TNKS1BP1: variants seen among roughly 807,000 people sequenced by gnomAD.
TNKS1BP1 encodes the protein CCR4-NOT transcription complex subunit 12, also known as 182 kDa tankyrase-1-binding protein.
A neutral mutation model predicts 141.1 loss-of-function variants in TNKS1BP1; 48 were observed. The observed-to-expected ratio is 0.34, with a 90% CI of 0.27 to 0.43. TNKS1BP1 has a LOEUF of 0.43. TNKS1BP1 is among the 20% of genes least tolerant of loss of function. The probability of loss-of-function intolerance (pLI) is 1.00; values close to 1 mark genes in which losing one functional copy is unlikely to be tolerated. For missense variants in TNKS1BP1, 2,149 were observed against 2,226.0 expected (o/e 0.97, Z 0.70); for synonymous variants, 875 against 898.2 (o/e 0.97, Z 0.46).
At chr11:57,300,445 G>A in intron 11 of TNKS1BP1, 83 bp downstream of exon 11, 19 of 1,285,236 alleles carry the variant, frequency 1.5e-5, no homozygotes, top group Non-Finnish European at 2.1e-5. Context: ...TGGGAGCTAA[G>A]GGACAGAAGG....
At position 57,308,885 on chromosome 11, in the gene TNKS1BP1, C is replaced by T. The variant is rs1360155092; in HGVS notation, c.3826G>A (p.Val1276Ile). The T allele has an allele frequency of 6.2e-7, 1 of 1,614,052 alleles. No homozygotes were observed. Among genetic ancestry groups the T allele is most frequent in the Non-Finnish European group, 8.5e-7 (1 of 1,180,038 alleles). The change falls in exon 6 of 12, where the codon GTT (valine) becomes ATT (isoleucine). Residue 1276 changes from valine (V) to isoleucine (I), a missense_variant. Physicochemically the swap from Val to Ile is conservative, Grantham distance 29. Transcript: ENST00000358252. ...TCAGGTGTCCAGTCTGCCTGTCCAACTCCACGCTCCCTTGATTTAAGGAAC... is the reference window on the plus strand; with the variant it reads ...TCAGGTGTCCAGTCTGCCTGTCCAATTCCACGCTCCCTTGATTTAAGGAAC... ...GEFLKSRERG[V>I]GQADWTPDLG... is the part of the protein sequence containing the mutation.
intron 1 of TNKS1BP1, among the ~76,000 whole-genome samples, chr11:57,323,436 C>T (rs1400134043): frequency 1.3e-5 from 2 of 152,216 alleles, no homozygotes; most frequent in Non-Finnish European, 1.5e-5. Flanking sequence ...GCCCTGAGGA[C>T]AACCCAAACT....
At chr11:57,314,641 C>T (rs1015019738) in intron 4 of TNKS1BP1, among the ~76,000 whole-genome samples, 10 of 152,278 alleles carry the variant, frequency 6.6e-5, no homozygotes, top group African/African-American at 2.2e-4. Flanking sequence ...ACTGGCCCCT[C>T]GGCATAGGAC....
chr11:57,302,669 A>G lies in TNKS1BP1; in HGVS notation c.4473T>C (p.Ala1491=), dbSNP rs1224729152. The change falls in exon 7 of 12, where the codon GCT becomes GCC. Residue 1491 remains alanine, a synonymous_variant. Transcript: ENST00000358252. The surrounding 1 kb of genome is among the most constrained non-coding windows in gnomAD (Gnocchi z 5.5). ...LLEEEGAGAG[A]AQEEVLEPGR... Reference sequence around the variant, plus strand: ...CAGGCTCCAGCACCTCCTCTTGGGCAGCACCTGCCCCGGCTCCTTCCTCCT... The same window carrying G: ...CAGGCTCCAGCACCTCCTCTTGGGCGGCACCTGCCCCGGCTCCTTCCTCCT... 1 of 1,608,528 alleles carries G rather than the reference A, an allele frequency of 6.2e-7. No individual in the cohort carries two copies. The highest frequency in any genetic ancestry group is 8.5e-7 in the Non-Finnish European group (1 of 1,178,678).
Position 57,309,226 on chromosome 11 carries a change from G to T in TNKS1BP1, c.3485C>A (p.Thr1162Asn), listed in dbSNP as rs150429884. Reference sequence around the variant, plus strand: ...CAAGTTCCTGAGACCCAGCTGGTCAGTCCAGTCCACCGAGCCAGCTGTGGT... The same window carrying T: ...CAAGTTCCTGAGACCCAGCTGGTCATTCCAGTCCACCGAGCCAGCTGTGGT... ...GKTTAGSVDW[T>N]DQLGLRNLEV... Residue 1162 changes from threonine to asparagine, a missense_variant, in exon 6 of 12, where the codon ACT becomes AAT. Coordinates refer to ENST00000358252, the MANE Select transcript of TNKS1BP1 (RefSeq NM_033396.3). This position sits in a 1 kb window ranked among gnomAD's most constrained non-coding sequence, Gnocchi z 4.3. 6.2e-7 allele frequency: 1 copy of T among 1,614,154 alleles called. No homozygotes were observed. Among genetic ancestry groups the T allele is most frequent in the South Asian group, 1.1e-5 (1 of 91,076 alleles).
In TNKS1BP1 at chr11:57,317,902, G is replaced by A; in HGVS notation, c.729-15C>T. 6.2e-7 allele frequency: 1 copy of A among 1,612,736 alleles called. No homozygotes were observed. Among genetic ancestry groups the A allele is most frequent in the Non-Finnish European group, 8.5e-7 (1 of 1,178,902 alleles). The stretch of plus-strand genomic sequence containing the variant: ...AAGGAAGGCTCCTGTGAGGGACGAG[G>A]ACAGGAAATGGAAGCACGGAATGTT... On this transcript the variant is annotated splice_polypyrimidine_tract_variant and intron_variant, in intron 3 of 11. Transcript: ENST00000358252.
chr11:57,313,386 C>G lies in TNKS1BP1; in HGVS notation c.1302G>C (p.Gln434His). 6.2e-7 allele frequency: 1 copy of G among 1,612,444 alleles called. No homozygotes were observed. Among genetic ancestry groups the G allele is most frequent in the Non-Finnish European group, 8.5e-7 (1 of 1,179,536 alleles). The change falls in exon 5 of 12, where the codon CAG (glutamine) becomes CAC (histidine). Residue 434 changes from glutamine to histidine, a missense_variant. Coordinates refer to ENST00000358252, the MANE Select transcript of TNKS1BP1 (RefSeq NM_033396.3). ...GCTTCTCCTGGTCCTGACTGGGTGA[C>G]TGGAGCACACCTTCAGAGAATCGGC... is the stretch of plus-strand genomic sequence containing the variant. ...VQRRFSEGVL[Q>H]SPSQDQEKLG...
At chr11:57,305,668 G>A (rs1315332255) in intron 6 of TNKS1BP1, among the ~76,000 whole-genome samples, 2 of 152,150 alleles carry the variant, frequency 1.3e-5, no homozygotes, top group Non-Finnish European at 2.9e-5. Flanking sequence ...TGGGCCCAGG[G>A]AGACAAGAAG....
intron 4 of TNKS1BP1, 123 bp from the exon 5 acceptor site, chr11:57,314,012 C>A (rs12361969): frequency 8.7e-7 from 1 of 1,144,810 alleles, no homozygotes. Flanking sequence ...AACTGGAACC[C>A]GAGGGGGTCC....
chr11:57,306,916 T>TGGGGGGGG (rs1189050190), intron 6 of TNKS1BP1, among the ~76,000 whole-genome samples: 7 of 11,382 alleles, frequency 6.2e-4, no homozygotes, highest in African/African-American at 1.0e-3. Context: ...GGGGGGGGGT[T>TGGGGGGGG]GGGTGGGAGG....
chr11:57,315,828 C>T (rs1325996923), intron 4 of TNKS1BP1, among the ~76,000 whole-genome samples: 1 of 151,958 alleles, frequency 6.6e-6, no homozygotes, highest in Non-Finnish European at 1.5e-5. Context: ...TGCTATCAGG[C>T]ACTGTCCTCG....
chr11:57,302,383 C>A lies in TNKS1BP1; in HGVS notation c.4683+76G>T. The A allele has an allele frequency of 6.5e-7, 1 of 1,544,254 alleles. No individual in the cohort carries two copies. Among genetic ancestry groups the A allele is most frequent in the Non-Finnish European group, 8.8e-7 (1 of 1,142,518 alleles). On this transcript the variant is annotated intron_variant, in intron 7 of 11. Transcript: ENST00000358252. The surrounding 1 kb of genome is among the most constrained non-coding windows in gnomAD (Gnocchi z 5.5). ...TTCTGCCTCCTGGACTGGGACTGCT[C>A]AGGGAAGCTCCAGGAATGGGGCTCT... is the stretch of plus-strand genomic sequence containing the variant.
chr11:57,322,218 T>TC, intron 1 of TNKS1BP1: 1 of 1,112,400 alleles, frequency 9.0e-7, no homozygotes, highest in Non-Finnish European at 1.1e-6. Flanking sequence ...TGACAAGCTC[T>TC]CCAAGACACC....
At chr11:57,300,656 C>G (rs1297935531) in intron 10 of TNKS1BP1, 56 bp from the exon 11 acceptor site, 17 of 1,608,822 alleles carry the variant, frequency 1.1e-5, no homozygotes, top group African/African-American at 2.7e-5. Flanking sequence ...CTGAACACAA[C>G]AAGGAGACGT....
intron 9 of TNKS1BP1, 40 bp from the exon 10 acceptor site, chr11:57,301,081 C>T (rs768871110): frequency 1.9e-6 from 3 of 1,557,038 alleles, no homozygotes; most frequent in Non-Finnish European, 2.6e-6. Flanking sequence ...AGTAGAGGGA[C>T]AGGCAGTAGG....
intron 1 of TNKS1BP1, among the ~76,000 whole-genome samples, chr11:57,322,752 CG>C (rs890891256): frequency 6.6e-6 from 1 of 152,000 alleles, no homozygotes; most frequent in African/African-American, 2.4e-5. Context: ...TGAGAACATC[CG>C]GGGGGTGGAG....
intron 5 of TNKS1BP1, chr11:57,311,376 C>G: frequency 1.0e-6 from 1 of 985,774 alleles, no homozygotes; most frequent in Non-Finnish European, 1.2e-6. Context: ...CCCCCCGCCC[C>G]CAACCCGCCT....
chr11:57,308,949 G>A lies in TNKS1BP1; in HGVS notation c.3762C>T (p.Gly1254=), dbSNP rs374665676. ...GGGHSQARES[G]VGQTDWSGVE... is the part of the protein sequence containing the mutation. The stretch of plus-strand genomic sequence containing the variant: ...CACCTGACCAGTCAGTCTGCCCCAC[G>A]CCACTCTCTCTGGCCTGGCTGTGGC... Residue 1254 remains glycine, a synonymous_variant, in exon 6 of 12, where the codon GGC becomes GGT. Transcript: ENST00000358252. 8.1e-6 allele frequency: 13 copies of A among 1,613,994 alleles called. No individual in the cohort carries two copies. The highest frequency in any genetic ancestry group is 8.0e-5 in the African/African-American group (6 of 75,002).
chr11:57,316,135 TCACG>T (rs1855795876), intron 4 of TNKS1BP1, among the ~76,000 whole-genome samples: 5 of 152,178 alleles, frequency 3.3e-5, no homozygotes, highest in Admixed American at 3.3e-4. Flanking sequence ...CTCGTCAAGG[TCACG>T]GATGACCTCC....
Sources: gnomAD v4.1 joint callset for allele counts (sites outside exome capture counted in the v4.1 genomes callset) on GRCh38, gnomAD v4.1.1 for gene constraint, Gnocchi (gnomAD v3.1) non-coding constraint, MANE v1.5 for transcripts, NCBI Gene and HGNC (gene_info 2026-07-23, HGNC 2026-07-21) for gene names.